VPS13B: variants seen among roughly 807,000 people sequenced by gnomAD.
VPS13B encodes vacuolar protein sorting 13 homolog B, also known as intermembrane lipid transfer protein VPS13B.
A neutral mutation model predicts 426.4 loss-of-function variants in VPS13B; 285 were observed. The observed-to-expected ratio is 0.67, with a 90% CI of 0.61 to 0.74. The LOEUF (loss-of-function observed/expected upper bound fraction) is 0.74. Ranked by LOEUF, VPS13B falls within the 30% of genes least tolerant of loss-of-function variation. The pLI, the probability that VPS13B is intolerant of heterozygous loss-of-function variation, is 0.00. For synonymous variants in VPS13B, 1,676 were observed against 1,676.4 expected (o/e 1.00, Z 0.01); for missense variants, 4,537 against 4,782.6 (o/e 0.95, Z 1.51).
At chr8:99,470,216 A>C (rs893981921) in intron 24 of VPS13B, among the ~76,000 whole-genome samples, 8 of 152,312 alleles carry the variant, frequency 5.3e-5, no homozygotes, top group Middle Eastern at 3.4e-3. Context: ...GATATCTCTT[A>C]GCATGGCAGT....
At chr8:99,194,300 GTA>G (rs1241243613) in intron 17 of VPS13B, among the ~76,000 whole-genome samples, 1 of 152,166 alleles carries the variant, frequency 6.6e-6, no homozygotes. Flanking sequence ...ATTTTAGTGT[GTA>G]TATAAACACA....
chr8:99,853,611 G>A lies in VPS13B; in HGVS notation c.10222G>A (p.Glu3408Lys). The stretch of plus-strand genomic sequence containing the variant: ...CCCGGGAGCTGGTCCCCTCCCTGGG[G>A]AAGAGCCTGTGGCTGCGTTGTTTGA... Reference protein sequence around the residue: ...VAPGAGPLPGEEPVAALFELY... With the variant: ...VAPGAGPLPGKEPVAALFELY... The change falls in exon 56 of 62, where the codon GAA becomes AAA. Residue 3408 changes from glutamate to lysine, a missense_variant. This residue lies in a region of VPS13B where 4,311 missense variants were observed against 4,474.3 expected (regional missense o/e 0.96). Transcript: ENST00000357162. 1 of 1,614,168 alleles carries A rather than the reference G, an allele frequency of 6.2e-7. No individual in the cohort carries two copies. Among genetic ancestry groups the A allele is most frequent in the Non-Finnish European group, 8.5e-7 (1 of 1,180,028 alleles).
At chr8:99,203,331 C>G (rs1423642250) in intron 17 of VPS13B, among the ~76,000 whole-genome samples, 2 of 152,100 alleles carry the variant, frequency 1.3e-5, no homozygotes, top group African/African-American at 4.8e-5. Context: ...TCTAAAAACT[C>G]TCAATAAACT....
chr8:99,262,573 C>T (rs1818100189), intron 17 of VPS13B, among the ~76,000 whole-genome samples: 1 of 152,046 alleles, frequency 6.6e-6, no homozygotes, highest in South Asian at 2.1e-4. Context: ...TTTATTCTTC[C>T]CCTGAAAGGA....
chr8:99,272,942 GAA>G (rs1296570113), intron 17 of VPS13B, among the ~76,000 whole-genome samples: 1 of 152,054 alleles, frequency 6.6e-6, no homozygotes, highest in Non-Finnish European at 1.5e-5. Context: ...ACTCTCAAAG[GAA>G]ATGTTCATTG....
intron 17 of VPS13B, among the ~76,000 whole-genome samples, chr8:99,264,999 A>G (rs1001734407): frequency 1.3e-5 from 2 of 152,092 alleles, no homozygotes; most frequent in African/African-American, 2.4e-5. Context: ...AAAGAGAACT[A>G]GCATCATGTT....
At chr8:99,791,553 G>C (rs1466089046) in intron 43 of VPS13B, among the ~76,000 whole-genome samples, 1 of 152,074 alleles carries the variant, frequency 6.6e-6, no homozygotes, top group Non-Finnish European at 1.5e-5. Context: ...AGACGGTCTA[G>C]AGAAGATTGA....
At chr8:99,168,989 T>C (rs915512667) in intron 15 of VPS13B, among the ~76,000 whole-genome samples, 6 of 152,046 alleles carry the variant, frequency 3.9e-5, no homozygotes, top group Non-Finnish European at 8.8e-5. Flanking sequence ...TTTTTGAAAC[T>C]ATTTGGAAGT....
At chr8:99,640,301 G>A (rs963197887) in intron 33 of VPS13B, among the ~76,000 whole-genome samples, 39 of 151,806 alleles carry the variant, frequency 2.6e-4, no homozygotes, top group African/African-American at 8.9e-4. Context: ...TTTTGAGATA[G>A]GGTCTCACTC....
At chr8:99,584,098 A>C (rs1051841783) in intron 33 of VPS13B, among the ~76,000 whole-genome samples, 4 of 152,266 alleles carry the variant, frequency 2.6e-5, no homozygotes, top group Admixed American at 2.0e-4. Context: ...CAGAGCCTTA[A>C]AAGGACAAGA....
chr8:99,148,125 C>G, intron 14 of VPS13B, 115 bp downstream of exon 14: 1 of 1,159,568 alleles, frequency 8.6e-7, no homozygotes, highest in Non-Finnish European at 1.2e-6. Flanking sequence ...AGTGTGTAAT[C>G]CTGGCAATTC....
intron 25 of VPS13B, among the ~76,000 whole-genome samples, chr8:99,483,253 A>G (rs1003205829): frequency 2.0e-5 from 3 of 152,112 alleles, no homozygotes; most frequent in African/African-American, 7.2e-5. Context: ...ACAGTAACCT[A>G]GGTGATAAGA....
chr8:99,372,108 G>A (rs997829870), intron 19 of VPS13B, among the ~76,000 whole-genome samples: 19 of 151,758 alleles, frequency 1.3e-4, no homozygotes, highest in Admixed American at 5.9e-4. Context: ...AAAATTAGCC[G>A]GGCGAGGTGG....
At chr8:99,030,845 A>T (rs976654327) in intron 2 of VPS13B, among the ~76,000 whole-genome samples, 18 of 152,146 alleles carry the variant, frequency 1.2e-4, no homozygotes, top group Admixed American at 1.2e-3. Context: ...ATTAATCTTA[A>T]TTTTATTAAT....
chr8:99,323,048 G>T (rs575551923), intron 19 of VPS13B, among the ~76,000 whole-genome samples: 197 of 152,286 alleles, frequency 1.3e-3, no homozygotes, highest in African/African-American at 4.4e-3. Context: ...AGGAACGACC[G>T]ACTGAGATCT....
At chr8:99,142,936 C>A in intron 12 of VPS13B, 38 bp from the exon 13 acceptor site, 1 of 1,576,410 alleles carries the variant, frequency 6.3e-7, no homozygotes, top group Non-Finnish European at 8.6e-7. Context: ...TTGGTATATC[C>A]AATTGATGCT....
In VPS13B at chr8:99,391,680, C is replaced by A. The variant is rs917905889; in HGVS notation, c.3058C>A (p.Pro1020Thr). ...SYQASEYASS[P>T]VKTKTVTESR... ...TCAGGCCTCTGAATATGCCAGCAGC[C>A]CTGTAAAAACAAAAACGGTAACAGG... Residue 1020 changes from proline (P) to threonine (T), a missense_variant, in exon 21 of 62, where the codon CCT becomes ACT. Transcript: ENST00000357162. 3 of 1,614,038 alleles carry A rather than the reference C, an allele frequency of 1.9e-6. No individual in the cohort carries two copies. In the East Asian group the frequency reaches 6.7e-5, roughly 36 times the overall value.
intron 50 of VPS13B, among the ~76,000 whole-genome samples, chr8:99,823,532 A>G (rs1325170227): frequency 3.3e-5 from 5 of 152,164 alleles, no homozygotes; most frequent in Admixed American, 3.3e-4. Context: ...TGCTTTCTAA[A>G]TAAACACTTT....
Position 99,511,426 on chromosome 8 carries a change from C to A in VPS13B, c.4547C>A (p.Ser1516Tyr). The change falls in exon 29 of 62, where the codon TCC (serine) becomes TAC (tyrosine). Residue 1516 changes from serine to tyrosine, a missense_variant. Around this residue, in one of 2 missense-constraint regions of VPS13B, gnomAD observed 4,311 missense variants for 4,474.3 expected, o/e 0.96. Transcript: ENST00000357162. Reference protein sequence around the residue: ...GQPMRTHTLTSRNLPLIYVNT... With the variant: ...GQPMRTHTLTYRNLPLIYVNT... The stretch of plus-strand genomic sequence containing the variant: ...CCCATGAGGACCCATACACTGACAT[C>A]CCGCAATTTACCTTTGATTTATGTC... 6.2e-7 allele frequency: 1 copy of A among 1,613,504 alleles called. No individual in the cohort carries two copies. Among genetic ancestry groups the A allele is most frequent in the Non-Finnish European group, 8.5e-7 (1 of 1,179,888 alleles).
Sources: allele counts gnomAD v4.1 joint callset (sites outside exome capture counted in the v4.1 genomes callset), GRCh38; gene constraint gnomAD v4.1.1; regional missense constraint gnomAD v4.1.1; transcripts MANE v1.5; gene names NCBI Gene and HGNC (gene_info 2026-07-23, HGNC 2026-07-21).